PHACTR1: variants seen among roughly 807,000 people sequenced by gnomAD.
PHACTR1 encodes the protein RPEL repeat containing 1.
PHACTR1 carries 16 observed loss-of-function variants against 69.2 expected under a neutral mutation model. The ratio of observed to expected loss-of-function variants is 0.23; its 90% confidence interval spans 0.16 to 0.35. The LOEUF (loss-of-function observed/expected upper bound fraction) is 0.35. Among genes scored for constraint, PHACTR1 ranks in the 10% least tolerant of loss-of-function variants. The pLI is 1.00. For missense variants in PHACTR1, 510 were observed against 734.7 expected, an observed-to-expected ratio of 0.69 and a Z score of 3.54; for synonymous variants, 312 against 284.5, an observed-to-expected ratio of 1.10 and a Z score of -0.97.
At chr6:12,948,716 C>T (rs1184780984) in intron 4 of PHACTR1, among the ~76,000 whole-genome samples, 1 of 152,130 alleles carries the variant, frequency 6.6e-6, no homozygotes, top group East Asian at 1.9e-4. Context: ...GTAATTGAGG[C>T]CATATTTATC....
chr6:13,219,238 AG>A (rs2127271679), intron 8 of PHACTR1, among the ~76,000 whole-genome samples: 1 of 152,318 alleles, frequency 6.6e-6, no homozygotes, highest in African/African-American at 2.4e-5. Flanking sequence ...CTTCTGTTTT[AG>A]GGATACTTCT....
chr6:12,733,733 C>T (rs115992581), intron 3 of PHACTR1, among the ~76,000 whole-genome samples: 1,564 of 152,196 alleles, frequency 0.01, 30 homozygotes, highest in African/African-American at 0.035. Flanking sequence ...GAGTTTGCCA[C>T]GCAAAGATAT....
At chr6:13,109,993 A>G (rs959732132) in intron 5 of PHACTR1, among the ~76,000 whole-genome samples, 4 of 151,380 alleles carry the variant, frequency 2.6e-5, no homozygotes, top group Admixed American at 6.6e-5. Context: ...TTTCAGTTCT[A>G]TATTTCTTTG....
At chr6:13,195,951 A>G (rs1047333871) in intron 7 of PHACTR1, among the ~76,000 whole-genome samples, 1 of 152,110 alleles carries the variant, frequency 6.6e-6, no homozygotes, top group Non-Finnish European at 1.5e-5. Flanking sequence ...TTGGAAATAC[A>G]GCCCTCTTGG....
At chr6:12,818,185 T>G (rs1042975261) in intron 4 of PHACTR1, among the ~76,000 whole-genome samples, 5 of 152,158 alleles carry the variant, frequency 3.3e-5, no homozygotes, top group Admixed American at 2.0e-4. Flanking sequence ...GTAACAAACC[T>G]ACCCAGAAGT....
chr6:12,987,677 G>A (rs1235985478), intron 4 of PHACTR1, among the ~76,000 whole-genome samples: 1 of 152,194 alleles, frequency 6.6e-6, no homozygotes, highest in Non-Finnish European at 1.5e-5. Context: ...TTAGGCAGAT[G>A]CAGCAGGAGA....
intron 10 of PHACTR1, among the ~76,000 whole-genome samples, chr6:13,236,514 C>G (rs531728060): frequency 1.3e-5 from 2 of 152,058 alleles, no homozygotes; most frequent in Non-Finnish European, 2.9e-5. Context: ...GCGTCTCTCC[C>G]GGCCTCTCGT....
intron 5 of PHACTR1, among the ~76,000 whole-genome samples, chr6:13,126,278 G>A (rs1305964764): frequency 5.3e-5 from 8 of 152,210 alleles, no homozygotes; most frequent in African/African-American, 1.9e-4. Flanking sequence ...TACCTAGTAC[G>A]TGCCAAATAA....
chr6:13,000,641 G>GAAGGAAGGAAGGAAGC (rs1471881943), intron 4 of PHACTR1, among the ~76,000 whole-genome samples: 41 of 112,036 alleles, frequency 3.7e-4, no homozygotes, highest in Admixed American at 1.2e-3. Context: ...AGGAAGGAAG[G>GAAGGAAGGAAGGAAGC]GGGGAGGGAG....
chr6:13,038,118 A>T (rs1456911086), intron 4 of PHACTR1, among the ~76,000 whole-genome samples: 1 of 152,160 alleles, frequency 6.6e-6, no homozygotes, highest in Non-Finnish European at 1.5e-5. Flanking sequence ...TATTTTTCCA[A>T]ATATTATTTT....
At position 12,852,717 on chromosome 6, in the gene PHACTR1, C is replaced by T. The variant is rs575085394; in HGVS notation, c.250+102927C>T. ...CTTCTCAATGGATCACAAAAGCATA[C>T]AATCATTGCTGGTAGGAAATGAAAA... On this transcript the variant is annotated intron_variant, in intron 4 of 14. Transcript: ENST00000332995. Among the ~76,000 whole-genome samples, 127 of 152,246 alleles carry T rather than the reference C, an allele frequency of 8.3e-4. 1 individual carries two copies. Among genetic ancestry groups the T allele is most frequent in the African/African-American group, 2.9e-3 (120 of 41,546 alleles).
At chr6:12,827,882 A>T (rs1561921050) in intron 4 of PHACTR1, among the ~76,000 whole-genome samples, 1 of 151,974 alleles carries the variant, frequency 6.6e-6, no homozygotes, top group Non-Finnish European at 1.5e-5. Flanking sequence ...TGTGAGGGTG[A>T]GGGGGGGTGA....
At position 13,263,238 on chromosome 6, in the gene PHACTR1, G is replaced by GTTTT. The variant is rs57164668; in HGVS notation, c.1392-9602_1392-9599dup. 9.5e-5 allele frequency among the ~76,000 whole-genome samples: 8 copies of GTTTT among 84,252 alleles called. No individual in the cohort carries two copies. In the East Asian group the frequency reaches 1.3e-3, roughly 14 times the overall value. 55.3% of individuals were successfully genotyped at this position (84,252 alleles called of 152,430 possible). A position where few individuals can be genotyped will look rare whatever the true frequency, so the allele number is the denominator to read the frequency against. ...GTGTCCTTTATTTTGGGCTTTTAGT[G>GTTTT]TTTTTTTTTTTTTTTTTTTTTTTCA... On this transcript the variant is annotated intron_variant, in intron 10 of 14. Coordinates refer to ENST00000332995, the MANE Select transcript of PHACTR1 (RefSeq NM_030948.6).
intron 4 of PHACTR1, among the ~76,000 whole-genome samples, chr6:12,768,305 G>C (rs1368937154): frequency 6.6e-6 from 1 of 151,840 alleles, no homozygotes. Flanking sequence ...TAGTAGAGAC[G>C]GGGTTTCACC....
At chr6:12,821,592 T>A (rs1196639800) in intron 4 of PHACTR1, among the ~76,000 whole-genome samples, 7 of 151,966 alleles carry the variant, frequency 4.6e-5, no homozygotes, top group African/African-American at 1.2e-4. Flanking sequence ...TACACTCCAA[T>A]GTGTAGTCAG....
intron 5 of PHACTR1, among the ~76,000 whole-genome samples, chr6:13,115,845 A>G (rs959306877): frequency 1.3e-5 from 2 of 152,210 alleles, no homozygotes; most frequent in Admixed American, 6.5e-5. Context: ...AGTTAAGCCT[A>G]AGGGATGAGA....
chr6:13,269,469 A>G (rs1007843448), intron 10 of PHACTR1, among the ~76,000 whole-genome samples: 2 of 152,212 alleles, frequency 1.3e-5, no homozygotes, highest in African/African-American at 4.8e-5. Context: ...AATATTGTGA[A>G]TTTCCAAATA....
chr6:13,243,363 T>A (rs1773134108), intron 10 of PHACTR1, among the ~76,000 whole-genome samples: 1 of 152,092 alleles, frequency 6.6e-6, no homozygotes, highest in South Asian at 2.1e-4. Context: ...CATGAAAGGA[T>A]TTCTCAGTCA....
At chr6:13,129,383 A>G (rs937084792) in intron 5 of PHACTR1, among the ~76,000 whole-genome samples, 7 of 152,164 alleles carry the variant, frequency 4.6e-5, no homozygotes, top group Non-Finnish European at 1.0e-4. Flanking sequence ...AAAAAAATCC[A>G]CCAACCAAAT....
Sources: gnomAD v4.1 joint callset for allele counts (sites outside exome capture counted in the v4.1 genomes callset) on GRCh38, gnomAD v4.1.1 for gene constraint, MANE v1.5 for transcripts, NCBI Gene and HGNC (gene_info 2026-07-23, HGNC 2026-07-21) for gene names.